Variants in KIDINS220 observed in about 807,000 individuals in gnomAD.
KIDINS220 encodes the protein kinase D interacting substrate 220, also known as kinase D-interacting substrate of 220 kDa.
KIDINS220 carries 63 observed loss-of-function variants against 157.6 expected under a neutral mutation model. That is an observed-to-expected ratio of 0.40 (90% CI 0.33 to 0.49). The LOEUF (loss-of-function observed/expected upper bound fraction) is 0.49, where lower values mean the gene tolerates loss of function less well. Among genes scored for constraint, KIDINS220 ranks in the 20% least tolerant of loss-of-function variants. The pLI is 0.66. For missense variants in KIDINS220, 1,772 were observed against 2,171.2 expected, an observed-to-expected ratio of 0.82 and a Z score of 3.65; for synonymous variants, 732 against 783.6, an observed-to-expected ratio of 0.93 and a Z score of 1.10.
chr2:8,741,217 T>G (rs1665575467), intron 26 of KIDINS220, among the ~76,000 whole-genome samples: 1 of 152,180 alleles, frequency 6.6e-6, no homozygotes, highest in Admixed American at 6.5e-5. Flanking sequence ...TAAGAAATAC[T>G]AGGTCAAAGC....
Position 8,788,825 on chromosome 2 carries a change from G to GTT in KIDINS220, c.1622-15_1622-14dup. 6.2e-7 allele frequency: 1 copy of GTT among 1,610,252 alleles called. No individual in the cohort carries two copies. Among genetic ancestry groups the GTT allele is most frequent in the Non-Finnish European group, 8.5e-7 (1 of 1,178,422 alleles). ...AAGTAAATGACAACTGAAATTCACA[G>GTT]TTTAAAAAAGTTATCCAAAGCAGTC... On this transcript the variant is annotated splice_polypyrimidine_tract_variant and intron_variant, in intron 14 of 29. Coordinates refer to ENST00000256707, the MANE Select transcript of KIDINS220 (RefSeq NM_020738.4).
chr2:8,730,686 G>A lies in KIDINS220; in HGVS notation c.*34C>T. ...AATCCAGGACAATTCTGTCATAAAG[G>A]TACAGTAACACTCTTCTCCTTTGCT... On this transcript the variant is annotated 3_prime_UTR_variant, in exon 30 of 30. Coordinates refer to ENST00000256707, the MANE Select transcript of KIDINS220 (RefSeq NM_020738.4). 6.3e-7 allele frequency: 1 copy of A among 1,591,576 alleles called. No individual in the cohort carries two copies. The highest frequency in any genetic ancestry group is 8.5e-7 in the Non-Finnish European group (1 of 1,171,474).
intron 14 of KIDINS220, among the ~76,000 whole-genome samples, chr2:8,789,348 C>T (rs1005622291): frequency 2.7e-4 from 13 of 48,230 alleles, no homozygotes; most frequent in African/African-American, 4.9e-4. Flanking sequence ...AGAGCAGTGG[C>T]GCCATCTCGG....
chr2:8,813,485 CA>C, intron 4 of KIDINS220, 150 bp from the exon 5 acceptor site: 1 of 554,784 alleles, frequency 1.8e-6, no homozygotes. Flanking sequence ...CCAGGCTCCC[CA>C]AATACAATAG....
intron 12 of KIDINS220, 136 bp downstream of exon 12, chr2:8,793,674 A>G (rs1673511015): frequency 7.0e-6 from 5 of 712,390 alleles, no homozygotes; most frequent in Non-Finnish European, 8.8e-6. Context: ...CCTGGGGTCA[A>G]GCAATCCTCC....
chr2:8,818,722 A>G lies in KIDINS220; in HGVS notation c.180T>C (p.Asn60=). 2 of 1,602,814 alleles carry G rather than the reference A, an allele frequency of 1.2e-6. No individual in the cohort carries two copies. The highest frequency in any genetic ancestry group is 1.7e-6 in the Non-Finnish European group (2 of 1,170,914). The stretch of plus-strand genomic sequence containing the variant: ...AATCTTCCAGATTGCAGTTAGCTCC[A>G]TTCTTAATTAATTCCTTCACTATTT... ...NLEIVKELIK[N]GANCNLEDLD... is the part of the protein sequence containing the mutation. The change falls in exon 3 of 30, where the codon AAT becomes AAC. Residue 60 remains asparagine (N), a synonymous_variant. Transcript: ENST00000256707.
intron 22 of KIDINS220, chr2:8,757,854 A>T: frequency 1.5e-6 from 2 of 1,349,744 alleles, no homozygotes; most frequent in East Asian, 4.7e-5. Flanking sequence ...GGAATTCTGT[A>T]TGTTTTCTTT....
At chr2:8,757,216 G>A in intron 22 of KIDINS220, 3 of 975,162 alleles carry the variant, frequency 3.1e-6, no homozygotes, top group Non-Finnish European at 3.7e-6. Context: ...CAACAAAAGT[G>A]CATACTTTAA....
In KIDINS220 at chr2:8,729,725, T is replaced by C; in HGVS notation, c.*995A>G. 2 of 984,458 alleles carry C rather than the reference T, an allele frequency of 2.0e-6. No homozygotes were observed. Among genetic ancestry groups the C allele is most frequent in the Non-Finnish European group, 2.4e-6 (2 of 828,980 alleles). The allele number at this position is 984,458 out of a possible 1,614,324, so 61.0% of individuals were successfully genotyped here. A position where few individuals can be genotyped will look rare whatever the true frequency, so the allele number is the denominator to read the frequency against. On this transcript the variant is annotated 3_prime_UTR_variant, in exon 30 of 30. Transcript: ENST00000256707. ...GAAGTAGATAAAGTCTATCCTAGTATAGAGAGCAATGATTTAGTTTTACCT... is the reference window on the plus strand; with the variant it reads ...GAAGTAGATAAAGTCTATCCTAGTACAGAGAGCAATGATTTAGTTTTACCT...
intron 9 of KIDINS220, among the ~76,000 whole-genome samples, chr2:8,798,929 G>A (rs1674328245): frequency 6.6e-6 from 1 of 152,154 alleles, no homozygotes; most frequent in African/African-American, 2.4e-5. Context: ...CCAAGTAGGT[G>A]GCCTAGAACC....
At position 8,795,773 on chromosome 2, in the gene KIDINS220, A is replaced by C. The variant is rs116754910; in HGVS notation, c.1098+998T>G. Reference sequence around the variant, plus strand: ...TTATATAATTAACAAGGCTATATGGAACCTTGAAGGATACAGTCTGGTGGT... The same window carrying C: ...TTATATAATTAACAAGGCTATATGGCACCTTGAAGGATACAGTCTGGTGGT... On this transcript the variant is annotated intron_variant, in intron 11 of 29. Transcript: ENST00000256707. Among the ~76,000 whole-genome samples the C allele has an allele frequency of 6.1e-3, 925 of 152,322 alleles. 9 individuals carry two copies. The highest frequency in any genetic ancestry group is 0.021 in the African/African-American group (881 of 41,562).
chr2:8,731,278 T>C lies in KIDINS220; in HGVS notation c.4758A>G (p.Ser1586=). Residue 1586 remains serine, a synonymous_variant, in exon 30 of 30, where the codon TCA becomes TCG. Coordinates refer to ENST00000256707, the MANE Select transcript of KIDINS220 (RefSeq NM_020738.4). The surrounding 1 kb of genome is among the most constrained non-coding windows in gnomAD (Gnocchi z 5.2). The stretch of plus-strand genomic sequence containing the variant: ...GAGAACTTTCACTGGATCTCACTCC[T>C]GAATCCGATGAATCCTTTTTGTCAA... ...ALLDKKDSSD[S]GVRSSESSPN... is the part of the protein sequence containing the mutation. 1.9e-6 allele frequency: 3 copies of C among 1,614,114 alleles called. No individual in the cohort carries two copies. The highest frequency in any genetic ancestry group is 1.6e-4 in the Middle Eastern group (1 of 6,062).
chr2:8,728,814 T>C, downstream of KIDINS220: 3 of 981,712 alleles, frequency 3.1e-6, no homozygotes, highest in African/African-American at 1.7e-5. Context: ...TGACTGTACA[T>C]GAACCTGAAA....
intron 2 of KIDINS220, among the ~76,000 whole-genome samples, chr2:8,825,372 C>CAAAAAAAAAAAAAAA (rs369409976): frequency 5.5e-5 from 6 of 108,596 alleles, no homozygotes; most frequent in Admixed American, 1.1e-4. Context: ...GACTCCGTCT[C>CAAAAAAAAAAAAAAA]AAAAAAAAAA....
intron 21 of KIDINS220, among the ~76,000 whole-genome samples, chr2:8,775,589 T>C (rs553288245): frequency 5.4e-4 from 82 of 152,318 alleles, no homozygotes; most frequent in Admixed American, 3.3e-3. Context: ...ATGGAAGCCA[T>C]TGGTGACCTT....
In KIDINS220 at chr2:8,771,179, C is replaced by T. The variant is rs558445862; in HGVS notation, c.2849-347G>A. Among the ~76,000 whole-genome samples the T allele has an allele frequency of 1.4e-4, 22 of 152,276 alleles. No individual in the cohort carries two copies. The South Asian group carries it at 3.7e-3, about 26-fold the overall frequency. ...TCATTGAGCAGAACATCCATTCACCCACAATGGACCCCAATCCTCTAAAGT... is the reference window on the plus strand; with the variant it reads ...TCATTGAGCAGAACATCCATTCACCTACAATGGACCCCAATCCTCTAAAGT... On this transcript the variant is annotated intron_variant, in intron 21 of 29. Coordinates refer to ENST00000256707, the MANE Select transcript of KIDINS220 (RefSeq NM_020738.4).
At chr2:8,739,999 C>T (rs976182696) in intron 26 of KIDINS220, among the ~76,000 whole-genome samples, 2 of 152,182 alleles carry the variant, frequency 1.3e-5, no homozygotes, top group African/African-American at 4.8e-5. Flanking sequence ...AACTGATTAG[C>T]CAGAAATGAG....
intron 2 of KIDINS220, among the ~76,000 whole-genome samples, chr2:8,824,936 A>G (rs1468591571): frequency 6.6e-6 from 1 of 152,230 alleles, no homozygotes; most frequent in African/African-American, 2.4e-5. Flanking sequence ...AAAGACAAAC[A>G]GTATATAAGT....
At chr2:8,803,214 A>G (rs1384416252) in intron 7 of KIDINS220, 87 bp from the exon 8 acceptor site, 1 of 1,126,908 alleles carries the variant, frequency 8.9e-7, no homozygotes, top group African/African-American at 1.6e-5. Context: ...TGCCATAATC[A>G]TAAAACTAAT....
Sources: allele counts gnomAD v4.1 joint callset (sites outside exome capture counted in the v4.1 genomes callset), GRCh38; gene constraint gnomAD v4.1.1; non-coding constraint Gnocchi (gnomAD v3.1); transcripts MANE v1.5; gene names NCBI Gene and HGNC (gene_info 2026-07-23, HGNC 2026-07-21).